TMCC1: variants seen among roughly 807,000 people sequenced by gnomAD.
TMCC1 encodes the protein transmembrane and coiled-coil domains protein 1.
TMCC1 carries 15 observed loss-of-function variants against 52.4 expected under a neutral mutation model. The ratio of observed to expected loss-of-function variants is 0.29; its 90% CI spans 0.19 to 0.44. TMCC1 has a LOEUF of 0.44. Ranked by LOEUF, TMCC1 falls within the 20% of genes least tolerant of loss-of-function variation. The pLI is 1.00. For synonymous variants in TMCC1, 279 were observed against 301.9 expected (o/e 0.92, Z 0.79); for missense variants, 503 against 806.0 (o/e 0.62, Z 4.55).
chr3:129,861,210 G>C (rs1052071733), intron 2 of TMCC1, among the ~76,000 whole-genome samples: 2 of 152,124 alleles, frequency 1.3e-5, no homozygotes, highest in African/African-American at 4.8e-5. Flanking sequence ...GGAGGCCGAG[G>C]CGGGCGGATC....
intron 4 of TMCC1, among the ~76,000 whole-genome samples, chr3:129,692,836 CATTTATTT>C (rs748878185): frequency 6.6e-6 from 1 of 151,970 alleles, no homozygotes; most frequent in Non-Finnish European, 1.5e-5. Context: ...AAAGACAAAT[CATTTATTT>C]ATTTATTTAT....
intron 1 of TMCC1, among the ~76,000 whole-genome samples, chr3:129,885,104 A>C (rs963680124): frequency 6.6e-6 from 1 of 151,900 alleles, no homozygotes; most frequent in Non-Finnish European, 1.5e-5. Flanking sequence ...GCACCACTGC[A>C]CTCCAGCCTG....
At chr3:129,761,882 T>C (rs1174469044) in intron 4 of TMCC1, among the ~76,000 whole-genome samples, 1 of 150,452 alleles carries the variant, frequency 6.6e-6, no homozygotes, top group African/African-American at 2.4e-5. Context: ...TCCCAGCTAC[T>C]TGGGCGGCTG....
intron 4 of TMCC1, among the ~76,000 whole-genome samples, chr3:129,705,482 A>G (rs2048152316): frequency 6.6e-6 from 1 of 152,178 alleles, no homozygotes; most frequent in African/African-American, 2.4e-5. Context: ...AAGAGTTTTC[A>G]CAAAACATGA....
chr3:129,658,445 C>T (rs1263913773), intron 5 of TMCC1, among the ~76,000 whole-genome samples: 1 of 152,172 alleles, frequency 6.6e-6, no homozygotes, highest in Non-Finnish European at 1.5e-5. Context: ...GGGCTTAAAT[C>T]AAACCATTGT....
At chr3:129,701,884 A>G (rs2047863361) in intron 4 of TMCC1, among the ~76,000 whole-genome samples, 1 of 152,212 alleles carries the variant, frequency 6.6e-6, no homozygotes, top group South Asian at 2.1e-4. Context: ...GTAATTTCCA[A>G]GTACTACTTA....
intron 4 of TMCC1, among the ~76,000 whole-genome samples, chr3:129,767,634 T>C (rs1413912011): frequency 1.3e-5 from 2 of 152,204 alleles, no homozygotes; most frequent in African/African-American, 2.4e-5. Flanking sequence ...AACCTTTTGA[T>C]CCTTGGCAAT....
At chr3:129,723,961 T>C (rs548444935) in intron 4 of TMCC1, among the ~76,000 whole-genome samples, 1 of 147,922 alleles carries the variant, frequency 6.8e-6, no homozygotes, top group South Asian at 2.1e-4. Context: ...ATATACAACA[T>C]ACGGTTTCCG....
At chr3:129,883,126 T>TA (rs1248090142) in intron 1 of TMCC1, among the ~76,000 whole-genome samples, 1 of 134,948 alleles carries the variant, frequency 7.4e-6, no homozygotes, top group East Asian at 2.6e-4. Context: ...CTGCCTCTAC[T>TA]AAAAACACAC....
At chr3:129,734,286 T>C (rs1008263857) in intron 4 of TMCC1, among the ~76,000 whole-genome samples, 3 of 152,178 alleles carry the variant, frequency 2.0e-5, no homozygotes, top group Non-Finnish European at 4.4e-5. Context: ...AAGCATGATA[T>C]CAAGTGAAAA....
At chr3:129,730,225 G>A (rs1315964149) in intron 4 of TMCC1, among the ~76,000 whole-genome samples, 1 of 152,008 alleles carries the variant, frequency 6.6e-6, no homozygotes, top group East Asian at 1.9e-4. Context: ...TATGCAGCAT[G>A]CCCTTTAATT....
Position 129,874,319 on chromosome 3 carries a change from G to A in TMCC1, c.-184+5990C>T, listed in dbSNP as rs1419285437. Among the ~76,000 whole-genome samples the A allele has an allele frequency of 2.6e-5, 4 of 152,194 alleles. No individual in the cohort carries two copies. The East Asian group carries it at 7.7e-4, about 29-fold the overall frequency. The stretch of plus-strand genomic sequence containing the variant: ...TTTGCCTACCAGCACCTGGCATAAT[G>A]CCTTGCCTATAATAGATTCTCAAAT... On this transcript the variant is annotated intron_variant, in intron 2 of 6. Coordinates refer to ENST00000393238, the MANE Select transcript of TMCC1 (RefSeq NM_001017395.5).
rs140053919 is a variant in TMCC1 at position 129,822,308 on chromosome 3, C to T, written c.576+5495G>A. Among the ~76,000 whole-genome samples the T allele has an allele frequency of 3.0e-3, 456 of 152,188 alleles. 3 individuals carry two copies. The highest frequency in any genetic ancestry group is 0.01 in the African/African-American group (420 of 41,522). ...ATAACATAAGAACCAGGCATGGTGG[C>T]ACATGCCTATAGTCCTAGCTACTCA... On this transcript the variant is annotated intron_variant, in intron 4 of 6. Transcript: ENST00000393238.
chr3:129,808,173 C>A (rs1329979446), intron 4 of TMCC1, among the ~76,000 whole-genome samples: 1 of 151,958 alleles, frequency 6.6e-6, no homozygotes, highest in Non-Finnish European at 1.5e-5. Flanking sequence ...CAGAGCAAGA[C>A]CCTGTCTAAA....
intron 1 of TMCC1, among the ~76,000 whole-genome samples, chr3:129,886,774 CAAA>C (rs112682380): frequency 1.5e-5 from 2 of 129,414 alleles, no homozygotes; most frequent in African/African-American, 5.7e-5. Context: ...ACCGTTTCTA[CAAA>C]AAAAAAAAAA....
At chr3:129,655,255 A>C in intron 5 of TMCC1, 152 bp from the exon 6 acceptor site, 1 of 919,592 alleles carries the variant, frequency 1.1e-6, no homozygotes, top group South Asian at 1.8e-5. Flanking sequence ...CAGTGGGTAT[A>C]GCTCTTAGTC....
intron 4 of TMCC1, among the ~76,000 whole-genome samples, chr3:129,731,372 G>GT (rs2050523570): frequency 6.6e-6 from 1 of 152,208 alleles, no homozygotes; most frequent in Admixed American, 6.5e-5. Context: ...GAGGCCAGGA[G>GT]TTTGAGACCA....
intron 4 of TMCC1, among the ~76,000 whole-genome samples, chr3:129,761,516 T>A (rs1024073616): frequency 6.6e-6 from 1 of 151,958 alleles, no homozygotes; most frequent in Non-Finnish European, 1.5e-5. Flanking sequence ...TCGATTTAGT[T>A]TTAAAATTAG....
chr3:129,664,084 A>G (rs1436059006), intron 5 of TMCC1, among the ~76,000 whole-genome samples: 2 of 152,226 alleles, frequency 1.3e-5, no homozygotes, highest in Non-Finnish European at 2.9e-5. Flanking sequence ...GAGCTCACCC[A>G]TAAATCTCTT....
Sources: gnomAD v4.1 joint callset for allele counts (sites outside exome capture counted in the v4.1 genomes callset) on GRCh38, gnomAD v4.1.1 for gene constraint, MANE v1.5 for transcripts, NCBI Gene and HGNC (gene_info 2026-07-23, HGNC 2026-07-21) for gene names.